Variants in RASGRF2 observed in about 807,000 individuals in gnomAD.
The protein encoded by RASGRF2 is Ras protein specific guanine nucleotide releasing factor 2, also known as ras-specific guanine nucleotide-releasing factor 2.
In RASGRF2, 76 loss-of-function variants were observed where a neutral mutation model predicts 151.0. The ratio of observed to expected loss-of-function variants is 0.50; its 90% CI spans 0.42 to 0.61. RASGRF2 has a LOEUF of 0.61. Among genes scored for constraint, RASGRF2 ranks in the 20% least tolerant of loss-of-function variants. RASGRF2 has a pLI of 0.00. For synonymous variants in RASGRF2, 504 were observed against 566.5 expected, an observed-to-expected ratio of 0.89 and a Z score of 1.57; for missense variants, 1,148 against 1,564.6, an observed-to-expected ratio of 0.73 and a Z score of 4.49.
rs1690942779 is a variant in RASGRF2, at chr5:81,180,278, A to C, written c.2790A>C (p.Ala930=). 1 of 1,592,910 alleles carries C rather than the reference A, an allele frequency of 6.3e-7. No individual in the cohort carries two copies. The highest frequency in any genetic ancestry group is 8.6e-7 in the Non-Finnish European group (1 of 1,160,964). The change falls in exon 18 of 27, where the codon GCA becomes GCC. Residue 930 remains alanine, a synonymous_variant. Coordinates refer to ENST00000265080, the MANE Select transcript of RASGRF2 (RefSeq NM_006909.3). The part of the protein sequence containing the change: ...NVLRHWVSKH[A]QDFELNNELK... ...TCCGTCACTGGGTCTCAAAGCACGC[A>C]CAGGTAAGTCAGTGCCCTCATTAAT...
chr5:81,028,075 G>A (rs1027176573), intron 1 of RASGRF2, among the ~76,000 whole-genome samples: 1 of 152,114 alleles, frequency 6.6e-6, no homozygotes, highest in African/African-American at 2.4e-5. Context: ...CAAAGAGCTG[G>A]TTCTGGTCTG....
At chr5:81,047,940 TGTG>T (rs1750889814) in intron 2 of RASGRF2, among the ~76,000 whole-genome samples, 2 of 152,174 alleles carry the variant, frequency 1.3e-5, no homozygotes, top group South Asian at 4.1e-4. Context: ...ACCTAATGCT[TGTG>T]GTCTCATCCT....
chr5:81,214,393 T>A (rs1012666087), intron 23 of RASGRF2, among the ~76,000 whole-genome samples: 1 of 152,190 alleles, frequency 6.6e-6, no homozygotes, highest in Non-Finnish European at 1.5e-5. Flanking sequence ...GTTGCAGATA[T>A]ACCCTGCTTC....
At chr5:80,967,831 A>G (rs955187319) in intron 1 of RASGRF2, among the ~76,000 whole-genome samples, 1 of 152,246 alleles carries the variant, frequency 6.6e-6, no homozygotes, top group Non-Finnish European at 1.5e-5. Context: ...TGACGAGATA[A>G]TGTCAGTGAT....
At chr5:81,142,682 A>G (rs1753911341) in intron 17 of RASGRF2, among the ~76,000 whole-genome samples, 1 of 152,202 alleles carries the variant, frequency 6.6e-6, no homozygotes, top group East Asian at 1.9e-4. Context: ...TCCTCTTGCT[A>G]GGACAGGCTA....
intron 1 of RASGRF2, among the ~76,000 whole-genome samples, chr5:81,036,532 C>A (rs3846682): frequency 0.11 from 17,109 of 152,104 alleles, 1,238 homozygotes; most frequent in Non-Finnish European, 0.16. Flanking sequence ...TGCCACCCCC[C>A]ACATCCAATT....
At chr5:80,987,533 G>A (rs1748510884) in intron 1 of RASGRF2, among the ~76,000 whole-genome samples, 1 of 152,126 alleles carries the variant, frequency 6.6e-6, no homozygotes, top group Non-Finnish European at 1.5e-5. Flanking sequence ...TTGTAGTGAC[G>A]TCACTTATTT....
intron 2 of RASGRF2, among the ~76,000 whole-genome samples, chr5:81,067,520 A>G (rs1004773140): frequency 2.1e-4 from 32 of 152,374 alleles, no homozygotes; most frequent in African/African-American, 6.5e-4. Flanking sequence ...AGTCTTAAAG[A>G]GAGCCCAACA....
chr5:81,154,139 T>C (rs952681974), intron 17 of RASGRF2, among the ~76,000 whole-genome samples: 11 of 152,162 alleles, frequency 7.2e-5, no homozygotes, highest in Non-Finnish European at 1.2e-4. Flanking sequence ...CCACTCTAAA[T>C]AATTGATGAA....
At chr5:81,000,731 G>A (rs1749053754) in intron 1 of RASGRF2, among the ~76,000 whole-genome samples, 1 of 152,216 alleles carries the variant, frequency 6.6e-6, no homozygotes, top group Middle Eastern at 3.4e-3. Flanking sequence ...TGAATACAGC[G>A]AGTTTCACAG....
intron 18 of RASGRF2, among the ~76,000 whole-genome samples, chr5:81,192,320 G>A (rs1755168987): frequency 6.6e-6 from 1 of 152,222 alleles, no homozygotes; most frequent in Non-Finnish European, 1.5e-5. Context: ...ACGTGTATTG[G>A]AAAGTTTAGA....
chr5:81,204,960 C>T (rs1262205552), intron 19 of RASGRF2, among the ~76,000 whole-genome samples: 1 of 152,220 alleles, frequency 6.6e-6, no homozygotes, highest in Non-Finnish European at 1.5e-5. Flanking sequence ...CACTGGTACA[C>T]ATAATTATGG....
chr5:81,091,212 G>A (rs1184007648), intron 9 of RASGRF2, among the ~76,000 whole-genome samples: 1 of 152,164 alleles, frequency 6.6e-6, no homozygotes, highest in Non-Finnish European at 1.5e-5. Flanking sequence ...ATTGCATCCT[G>A]AGCCCTATGA....
At chr5:80,996,520 C>CT (rs1561544845) in intron 1 of RASGRF2, among the ~76,000 whole-genome samples, 3 of 27,550 alleles carry the variant, frequency 1.1e-4, no homozygotes, top group Non-Finnish European at 1.5e-4. Flanking sequence ...CCTCCTCCTC[C>CT]CCCTCCTCCT....
intron 17 of RASGRF2, among the ~76,000 whole-genome samples, chr5:81,159,795 A>G (rs13361742): frequency 0.25 from 38,531 of 151,958 alleles, 5,376 homozygotes; most frequent in East Asian, 0.36. Context: ...GCCATTTTCT[A>G]CTCATATTAT....
Position 80,960,821 on chromosome 5 carries a change from T to C in RASGRF2, c.83T>C (p.Phe28Ser). The stretch of plus-strand genomic sequence containing the variant: ...CGCAAGGAGGGCACCAAGCGCGGCT[T>C]CCTGAGTAAGAAGACGGCCGAGGCG... ...LARKEGTKRGFLSKKTAEASR... is the reference protein window; with the variant it reads ...LARKEGTKRGSLSKKTAEASR... The change falls in exon 1 of 27, where the codon TTC becomes TCC. Residue 28 changes from phenylalanine (F) to serine (S), a missense_variant. By Grantham distance (155) the Phe-to-Ser change is radical (BLOSUM62 -2). Coordinates refer to ENST00000265080, the MANE Select transcript of RASGRF2 (RefSeq NM_006909.3). The surrounding 1 kb of genome is among the most constrained non-coding windows in gnomAD (Gnocchi z 5.5). 1 of 1,613,476 alleles carries C rather than the reference T, an allele frequency of 6.2e-7. No individual in the cohort carries two copies. The highest frequency in any genetic ancestry group is 1.1e-5 in the South Asian group (1 of 91,052).
intron 1 of RASGRF2, among the ~76,000 whole-genome samples, chr5:81,006,882 C>T (rs764929148): frequency 6.6e-6 from 1 of 152,152 alleles, no homozygotes; most frequent in Non-Finnish European, 1.5e-5. Flanking sequence ...CTTTTATAGA[C>T]TTGTCACAAA....
chr5:81,120,743 A>G (rs898399290), intron 15 of RASGRF2, among the ~76,000 whole-genome samples: 6 of 152,232 alleles, frequency 3.9e-5, no homozygotes, highest in African/African-American at 1.4e-4. Context: ...TTTGGTTCCA[A>G]GCTCCTCTGC....
In RASGRF2 at chr5:81,080,104, T is replaced by G; in HGVS notation, c.888-17T>G. On this transcript the variant is annotated splice_polypyrimidine_tract_variant and intron_variant, in intron 5 of 26. Transcript: ENST00000265080. Reference sequence around the variant, plus strand: ...CATTATAGCAACTAAATTATATTATTTTTCCTTTTTTTATAGTGAAACAAT... The same window carrying G: ...CATTATAGCAACTAAATTATATTATGTTTCCTTTTTTTATAGTGAAACAAT... The G allele has an allele frequency of 6.3e-7, 1 of 1,593,386 alleles. No homozygotes were observed. Among genetic ancestry groups the G allele is most frequent in the Non-Finnish European group, 8.5e-7 (1 of 1,175,614 alleles).
Sources: gnomAD v4.1 joint callset for allele counts (sites outside exome capture counted in the v4.1 genomes callset) on GRCh38, gnomAD v4.1.1 for gene constraint, Gnocchi (gnomAD v3.1) non-coding constraint, MANE v1.5 for transcripts, NCBI Gene and HGNC (gene_info 2026-07-23, HGNC 2026-07-21) for gene names.